Variants in PCNX1 observed in about 807,000 individuals in gnomAD.
PCNX1 encodes the protein pecanex-like protein 1.
Under a neutral mutation model 242.2 loss-of-function variants are expected in PCNX1, and 78 were observed. The observed-to-expected ratio is 0.32, with a 90% CI of 0.27 to 0.39. The LOEUF (loss-of-function observed/expected upper bound fraction) is 0.39, where lower values mean the gene tolerates loss of function less well. Ranked by LOEUF, PCNX1 falls within the 10% of genes least tolerant of loss-of-function variation. The probability of loss-of-function intolerance (pLI) is 1.00; values close to 1 mark genes in which losing one functional copy is unlikely to be tolerated. For missense variants in PCNX1, 2,581 were observed against 2,856.5 expected (o/e 0.90, Z 2.20); for synonymous variants, 1,024 against 1,032.9 (o/e 0.99, Z 0.17).
chr14:71,065,552 T>C (rs2061425359), intron 26 of PCNX1, among the ~76,000 whole-genome samples: 1 of 152,234 alleles, frequency 6.6e-6, no homozygotes, highest in Non-Finnish European at 1.5e-5. Flanking sequence ...GCAAAAATTT[T>C]GTCTCATTCT....
rs113070529 is a variant in PCNX1 at position 71,043,510 on chromosome 14, C to T, written c.3868-1623C>T. Among the ~76,000 whole-genome samples the T allele has an allele frequency of 5.3e-5, 8 of 151,404 alleles. 3 individuals carry two copies. The highest frequency in any genetic ancestry group is 1.7e-4 in the African/African-American group (7 of 41,338). Reference sequence around the variant, plus strand: ...CCTTCCCTCTCTCCCTCCCTCCCTCCCTCCCTTCCTTCCTTCCTGGGGTTG... The same window carrying T: ...CCTTCCCTCTCTCCCTCCCTCCCTCTCTCCCTTCCTTCCTTCCTGGGGTTG... On this transcript the variant is annotated intron_variant, in intron 19 of 35. Coordinates refer to ENST00000304743, the MANE Select transcript of PCNX1 (RefSeq NM_014982.3).
chr14:71,077,208 T>G (rs1462310200), intron 28 of PCNX1, among the ~76,000 whole-genome samples: 2 of 152,150 alleles, frequency 1.3e-5, no homozygotes, highest in African/African-American at 2.4e-5. Context: ...ACAGCTTTCT[T>G]CTAGGTCTCA....
At chr14:71,099,380 G>A (rs566068449) in intron 30 of PCNX1, among the ~76,000 whole-genome samples, 2 of 151,344 alleles carry the variant, frequency 1.3e-5, no homozygotes, top group South Asian at 4.2e-4. Context: ...GGATGGTCTC[G>A]ATCTCCTGAC....
At chr14:71,018,122 C>T (rs1002174012) in intron 11 of PCNX1, among the ~76,000 whole-genome samples, 1 of 151,992 alleles carries the variant, frequency 6.6e-6, no homozygotes, top group Non-Finnish European at 1.5e-5. Context: ...AATAGCAGAA[C>T]TTATATCCTC....
chr14:71,054,494 A>T (rs990886927), intron 24 of PCNX1, among the ~76,000 whole-genome samples: 2 of 152,154 alleles, frequency 1.3e-5, no homozygotes, highest in Non-Finnish European at 2.9e-5. Flanking sequence ...TTTTGCTTGA[A>T]AATTTGGATT....
intron 6 of PCNX1, among the ~76,000 whole-genome samples, chr14:70,984,369 A>G (rs78993286): frequency 0.017 from 2,585 of 151,432 alleles, 121 homozygotes; most frequent in South Asian, 0.035. Flanking sequence ...TCTTTCATAA[A>G]TTAATCAGGT....
At chr14:70,913,713 G>A (rs905980829) in intron 1 of PCNX1, among the ~76,000 whole-genome samples, 1 of 152,050 alleles carries the variant, frequency 6.6e-6, no homozygotes, top group African/African-American at 2.4e-5. Flanking sequence ...CAATTTAAAA[G>A]TATTTAAAGA....
intron 33 of PCNX1, among the ~76,000 whole-genome samples, chr14:71,106,439 A>G (rs2062623946): frequency 6.6e-6 from 1 of 152,222 alleles, no homozygotes; most frequent in African/African-American, 2.4e-5. Flanking sequence ...AAGTCTTTAT[A>G]ATCATTTATT....
chr14:70,936,940 G>T (rs2057029159), intron 1 of PCNX1, among the ~76,000 whole-genome samples: 1 of 152,208 alleles, frequency 6.6e-6, no homozygotes, highest in African/African-American at 2.4e-5. Flanking sequence ...CTTTTGAGAA[G>T]TGTCTGTGTA....
intron 1 of PCNX1, among the ~76,000 whole-genome samples, chr14:70,928,127 G>T (rs1208412623): frequency 6.6e-6 from 1 of 151,588 alleles, no homozygotes; most frequent in Non-Finnish European, 1.5e-5. Flanking sequence ...TTATTATTTT[G>T]TGCTTGCTTA....
At chr14:70,928,625 G>A (rs1392351128) in intron 1 of PCNX1, among the ~76,000 whole-genome samples, 1 of 152,134 alleles carries the variant, frequency 6.6e-6, no homozygotes, top group Non-Finnish European at 1.5e-5. Flanking sequence ...TTTCCAGAAT[G>A]GTTAGGTTTA....
chr14:71,006,737 T>A (rs2059679495), intron 8 of PCNX1, among the ~76,000 whole-genome samples: 1 of 152,104 alleles, frequency 6.6e-6, no homozygotes, highest in African/African-American at 2.4e-5. Context: ...TAATATATAT[T>A]TATTTCTGGT....
At chr14:70,928,408 G>A (rs954090700) in intron 1 of PCNX1, among the ~76,000 whole-genome samples, 4 of 152,184 alleles carry the variant, frequency 2.6e-5, no homozygotes, top group Non-Finnish European at 4.4e-5. Flanking sequence ...GGGAGAAACA[G>A]GATAGGTAAA....
intron 8 of PCNX1, among the ~76,000 whole-genome samples, chr14:70,997,343 T>G (rs2059383089): frequency 6.6e-6 from 1 of 152,136 alleles, no homozygotes; most frequent in African/African-American, 2.4e-5. Flanking sequence ...ATAAAAGGCT[T>G]CATTTTAATC....
chr14:71,026,261 T>C lies in PCNX1; in HGVS notation c.3328T>C (p.Phe1110Leu). The C allele has an allele frequency of 6.2e-7, 1 of 1,605,976 alleles. No individual in the cohort carries two copies. The highest frequency in any genetic ancestry group is 8.5e-7 in the Non-Finnish European group (1 of 1,175,688). The stretch of plus-strand genomic sequence containing the variant: ...AATAACTTTCACCAATCCACTGGTG[T>C]TTATATCAGCCAGGGATTTAGTTAT... ...YGITFTNPLV[F>L]ISARDLVIVF... is the part of the protein sequence containing the mutation. The change falls in exon 14 of 36, where the codon TTT becomes CTT. Residue 1110 changes from phenylalanine to leucine, a missense_variant. Physicochemically the swap from Phe to Leu is conservative, Grantham distance 22 (BLOSUM62 0). Transcript: ENST00000304743.
chr14:70,992,364 A>T (rs563306854), intron 7 of PCNX1, among the ~76,000 whole-genome samples: 1 of 152,338 alleles, frequency 6.6e-6, no homozygotes, highest in Non-Finnish European at 1.5e-5. Context: ...GTAATAACTG[A>T]GAATTCATGA....
intron 1 of PCNX1, among the ~76,000 whole-genome samples, chr14:70,911,186 C>T (rs138725956): frequency 9.8e-5 from 15 of 152,314 alleles, no homozygotes; most frequent in Non-Finnish European, 1.9e-4. Flanking sequence ...CCCGTGACCT[C>T]ATGAGGTTTT....
intron 11 of PCNX1, among the ~76,000 whole-genome samples, chr14:71,014,674 A>C (rs2059912984): frequency 7.1e-6 from 1 of 141,234 alleles, no homozygotes; most frequent in East Asian, 2.1e-4. Context: ...AATGGAAACT[A>C]TCCAGAATGA....
intron 26 of PCNX1, among the ~76,000 whole-genome samples, chr14:71,071,478 G>T (rs1452261507): frequency 6.6e-6 from 1 of 152,118 alleles, no homozygotes; most frequent in Non-Finnish European, 1.5e-5. Flanking sequence ...GATCATGGGG[G>T]TAGATTTTCC....
Sources: gnomAD v4.1 joint callset for allele counts (sites outside exome capture counted in the v4.1 genomes callset) on GRCh38, gnomAD v4.1.1 for gene constraint, MANE v1.5 for transcripts, NCBI Gene and HGNC (gene_info 2026-07-23, HGNC 2026-07-21) for gene names.